The following SYNE2 variants were observed in gnomAD, a reference collection of about 807,000 sequenced individuals.
SYNE2 encodes the protein spectrin repeat containing nuclear envelope protein 2, also known as nesprin-2.
SYNE2 carries 431 observed loss-of-function variants against 856.3 expected under a neutral mutation model. The ratio of observed to expected loss-of-function variants is 0.50; its 90% CI spans 0.47 to 0.55. The LOEUF is 0.55. Ranked by LOEUF, SYNE2 falls within the 20% of genes least tolerant of loss-of-function variation. The probability of loss-of-function intolerance (pLI) is 0.00; values close to 1 mark genes in which losing one functional copy is unlikely to be tolerated. For synonymous variants in SYNE2, 2,923 were observed against 2,872.3 expected, an observed-to-expected ratio of 1.02 and a Z score of -0.56; for missense variants, 8,129 against 8,023.2, an observed-to-expected ratio of 1.01 and a Z score of -0.50.
At chr14:64,185,607 G>A (rs1273475974) in intron 96 of SYNE2, among the ~76,000 whole-genome samples, 2 of 137,192 alleles carry the variant, frequency 1.5e-5, no homozygotes, top group Non-Finnish European at 3.0e-5. Flanking sequence ...TGCAACCTCC[G>A]CCTCCTGGGT....
chr14:64,011,253 G>A (rs2096842900), intron 32 of SYNE2, among the ~76,000 whole-genome samples: 1 of 152,190 alleles, frequency 6.6e-6, no homozygotes, highest in South Asian at 2.1e-4. Context: ...GTATGTGACT[G>A]TGTAGCTGAT....
chr14:63,762,585 T>C (rs1171354483), intron 1 of SYNE2, among the ~76,000 whole-genome samples: 1 of 75,056 alleles, frequency 1.3e-5, no homozygotes, highest in African/African-American at 3.7e-5. Context: ...TGTAGGATAA[T>C]TTTTTCTTTC....
At chr14:63,872,414 C>T (rs1038355453) in intron 1 of SYNE2, among the ~76,000 whole-genome samples, 2 of 141,854 alleles carry the variant, frequency 1.4e-5, no homozygotes, top group African/African-American at 5.2e-5. Context: ...ACCCTGGTGA[C>T]AAAGCGAGAC....
chr14:64,214,666 A>C, intron 106 of SYNE2, 196 bp downstream of exon 106: 1 of 617,236 alleles, frequency 1.6e-6, no homozygotes, highest in Non-Finnish European at 2.8e-6. Context: ...GGTGGAATGA[A>C]AGGGGGAAAA....
intron 67 of SYNE2, 98 bp from the exon 68 acceptor site, chr14:64,120,829 C>A: frequency 8.1e-7 from 1 of 1,234,866 alleles, no homozygotes; most frequent in Non-Finnish European, 1.2e-6. Context: ...TCATTTATTT[C>A]ATGTAAAATT....
intron 96 of SYNE2, among the ~76,000 whole-genome samples, chr14:64,185,832 T>G (rs896902435): frequency 1.4e-4 from 21 of 152,182 alleles, no homozygotes; most frequent in African/African-American, 5.1e-4. Flanking sequence ...ATGCTGCATT[T>G]TAAAAGATAG....
At chr14:64,113,860 G>A (rs1291302024) in intron 66 of SYNE2, among the ~76,000 whole-genome samples, 1 of 152,088 alleles carries the variant, frequency 6.6e-6, no homozygotes, top group Middle Eastern at 3.2e-3. Context: ...TATATAGTAG[G>A]TTATCTTATA....
chr14:63,905,474 A>G (rs1416735663), intron 1 of SYNE2, among the ~76,000 whole-genome samples: 1 of 151,968 alleles, frequency 6.6e-6, no homozygotes, highest in Non-Finnish European at 1.5e-5. Flanking sequence ...CTCATCTCTG[A>G]TTTCTTTCAG....
intron 1 of SYNE2, among the ~76,000 whole-genome samples, chr14:63,762,913 T>C (rs1429331280): frequency 2.0e-5 from 3 of 152,194 alleles, no homozygotes; most frequent in Admixed American, 6.6e-5. Context: ...TATGCTGTAA[T>C]TTTCTTTACT....
At chr14:63,993,246 C>T (rs984551343) in intron 21 of SYNE2, among the ~76,000 whole-genome samples, 3 of 152,150 alleles carry the variant, frequency 2.0e-5, no homozygotes, top group Non-Finnish European at 2.9e-5. Context: ...CTTGGCCAGG[C>T]ATGTGGCTCA....
Position 64,098,043 on chromosome 14 carries a change from A to G in SYNE2, c.12203A>G (p.His4068Arg), listed in dbSNP as rs902790590. The change falls in exon 62 of 116, where the codon CAC becomes CGC. Residue 4068 changes from histidine to arginine, a missense_variant. His to Arg is a conservative substitution (Grantham distance 29, BLOSUM62 0). This residue lies in a region of SYNE2 where 5,410 missense variants were observed against 5,284.8 expected (regional missense o/e 1.02). Coordinates refer to ENST00000555002, the MANE Select transcript of SYNE2 (RefSeq NM_182914.3). ...TTGAAGGCCACCGTACTAAACCTTCACCAGCATTTGAAGCAAGAACAAGAA... is the reference window on the plus strand; with the variant it reads ...TTGAAGGCCACCGTACTAAACCTTCGCCAGCATTTGAAGCAAGAACAAGAA... ...VDLKATVLNL[H>R]QHLKQEQEGV... The G allele has an allele frequency of 3.1e-6, 5 of 1,614,118 alleles. No homozygotes were observed. The highest frequency in any genetic ancestry group is 1.7e-5 in the Admixed American group (1 of 60,002).
chr14:63,787,802 A>G (rs541591636), intron 1 of SYNE2, among the ~76,000 whole-genome samples: 1 of 152,244 alleles, frequency 6.6e-6, no homozygotes, highest in South Asian at 2.1e-4. Flanking sequence ...GCCCACTTGG[A>G]CCCACAGGGA....
intron 45 of SYNE2, among the ~76,000 whole-genome samples, chr14:64,032,312 C>T (rs1258019003): frequency 6.6e-6 from 1 of 152,076 alleles, no homozygotes; most frequent in African/African-American, 2.4e-5. Flanking sequence ...TGGTGGCTCA[C>T]ATCTGTAATC....
At chr14:63,932,778 A>G (rs367845013) in intron 2 of SYNE2, among the ~76,000 whole-genome samples, 1 of 152,348 alleles carries the variant, frequency 6.6e-6, no homozygotes, top group Admixed American at 6.5e-5. Context: ...TAGAATGCCC[A>G]CATGTGCTGG....
At chr14:63,892,460 A>C (rs900040778) in intron 1 of SYNE2, among the ~76,000 whole-genome samples, 6 of 151,766 alleles carry the variant, frequency 4.0e-5, no homozygotes, top group African/African-American at 1.5e-4. Context: ...TACAAGCAGA[A>C]ATTGGCATTT....
At chr14:64,185,675 C>T (rs774578240) in intron 96 of SYNE2, among the ~76,000 whole-genome samples, 12 of 151,926 alleles carry the variant, frequency 7.9e-5, no homozygotes, top group Non-Finnish European at 1.5e-4. Flanking sequence ...CGCGCGCCAC[C>T]GCACCCAGCT....
rs2096625418 is a variant in SYNE2, at chr14:63,986,329, G to A, written c.2152-127G>A. 46 of 988,506 alleles carry A rather than the reference G, an allele frequency of 4.7e-5. No homozygotes were observed. The South Asian group carries it at 6.5e-4, about 14-fold the overall frequency. The allele number at this position is 988,506 out of a possible 1,614,324, so 61.2% of individuals were successfully genotyped here. On this transcript the variant is annotated intron_variant, in intron 18 of 115. Coordinates refer to ENST00000555002, the MANE Select transcript of SYNE2 (RefSeq NM_182914.3). ...TGCCCAGACTGGTCACAAACTCCTA[G>A]CCTCAAGCAATCCTCCTGCCCTGGC...
intron 1 of SYNE2, among the ~76,000 whole-genome samples, chr14:63,895,642 C>A (rs2095238618): frequency 6.7e-6 from 1 of 149,642 alleles, no homozygotes; most frequent in Admixed American, 6.7e-5. Context: ...GTGGTGTGTG[C>A]CTATTGTCCC....
intron 68 of SYNE2, 46 bp from the exon 69 acceptor site, chr14:64,121,966 C>A: frequency 6.2e-7 from 1 of 1,610,858 alleles, no homozygotes; most frequent in Non-Finnish European, 8.5e-7. Flanking sequence ...GGGTACTAAT[C>A]GAAAAGCTTG....
Sources: gnomAD v4.1 joint callset for allele counts (sites outside exome capture counted in the v4.1 genomes callset) on GRCh38, gnomAD v4.1.1 for gene constraint, gnomAD v4.1.1 regional missense constraint, MANE v1.5 for transcripts, NCBI Gene and HGNC (gene_info 2026-07-23, HGNC 2026-07-21) for gene names.